Variants in FMN1 observed in about 807,000 individuals in gnomAD.
FMN1 encodes the protein formin 1, also known as formin-1.
A neutral mutation model predicts 132.4 loss-of-function variants in FMN1; 110 were observed. That is an observed-to-expected ratio of 0.83 (90% CI 0.71 to 0.97). The LOEUF (loss-of-function observed/expected upper bound fraction) is 0.97, where lower values mean the gene tolerates loss of function less well. FMN1 is among the 50% of genes least tolerant of loss of function. The pLI is 0.00. For synonymous variants in FMN1, 722 were observed against 651.7 expected, an observed-to-expected ratio of 1.11 and a Z score of -1.64; for missense variants, 1,792 against 1,705.3, an observed-to-expected ratio of 1.05 and a Z score of -0.90.
chr15:32,953,166 C>T (rs560996885), intron 9 of FMN1, among the ~76,000 whole-genome samples: 3 of 152,286 alleles, frequency 2.0e-5, no homozygotes, highest in South Asian at 4.1e-4. Context: ...CCTCCAATCC[C>T]GTTTGTACCC....
intron 19 of FMN1, among the ~76,000 whole-genome samples, chr15:32,788,220 A>AT (rs2140927316): frequency 6.6e-6 from 1 of 152,374 alleles, no homozygotes; most frequent in South Asian, 2.1e-4. Flanking sequence ...CTTAGTAGAC[A>AT]TAACACCCAG....
At chr15:32,959,091 G>C (rs996588556) in intron 9 of FMN1, among the ~76,000 whole-genome samples, 1 of 151,118 alleles carries the variant, frequency 6.6e-6, no homozygotes, top group African/African-American at 2.4e-5. Context: ...TTCAATGCTG[G>C]CTGAAGCCCT....
At chr15:32,825,032 T>C (rs1408920918) in intron 17 of FMN1, among the ~76,000 whole-genome samples, 1 of 152,190 alleles carries the variant, frequency 6.6e-6, no homozygotes, top group East Asian at 1.9e-4. Flanking sequence ...GGCTCCTCCT[T>C]TTGTACAACT....
intron 7 of FMN1, among the ~76,000 whole-genome samples, chr15:33,001,301 T>G (rs971732038): frequency 2.0e-5 from 3 of 151,806 alleles, no homozygotes; most frequent in Admixed American, 6.6e-5. Flanking sequence ...AAAAAAAAAG[T>G]GTAGCAATTT....
At position 33,074,753 on chromosome 15, in the gene FMN1, C is replaced by T. The variant is rs537052681; in HGVS notation, c.2044-9679G>A. 1.1e-4 allele frequency among the ~76,000 whole-genome samples: 17 copies of T among 152,196 alleles called. No homozygotes were observed. In the East Asian group the frequency reaches 1.9e-3, roughly 17 times the overall value. On this transcript the variant is annotated intron_variant, in intron 5 of 20. Transcript: ENST00000616417. ...GACCTCAGCCGGGTGCAGTGGCTCACGCCTGTAATCCTAGCACTTTGGGAG... is the reference window on the plus strand; with the variant it reads ...GACCTCAGCCGGGTGCAGTGGCTCATGCCTGTAATCCTAGCACTTTGGGAG...
At chr15:32,832,565 G>C (rs2058527078) in intron 17 of FMN1, among the ~76,000 whole-genome samples, 1 of 152,096 alleles carries the variant, frequency 6.6e-6, no homozygotes, top group Non-Finnish European at 1.5e-5. Context: ...AGATCATGAA[G>C]TCAGGAGATC....
intron 3 of FMN1, among the ~76,000 whole-genome samples, chr15:33,160,366 A>G (rs1322019630): frequency 6.6e-6 from 1 of 152,206 alleles, no homozygotes; most frequent in East Asian, 1.9e-4. Flanking sequence ...TTGTTTCAAC[A>G]AAAAAGGATC....
At chr15:32,808,107 C>G (rs762845945) in intron 17 of FMN1, among the ~76,000 whole-genome samples, 3 of 152,154 alleles carry the variant, frequency 2.0e-5, no homozygotes, top group Non-Finnish European at 4.4e-5. Flanking sequence ...CCCGGTGTTC[C>G]AACGTTCTAG....
At chr15:33,004,389 A>G (rs1029070147) in intron 7 of FMN1, among the ~76,000 whole-genome samples, 3 of 152,248 alleles carry the variant, frequency 2.0e-5, no homozygotes, top group African/African-American at 4.8e-5. Flanking sequence ...GGATATGAAC[A>G]GACACTTCTC....
intron 17 of FMN1, among the ~76,000 whole-genome samples, chr15:32,819,949 C>G (rs746781065): frequency 2.6e-5 from 4 of 152,118 alleles, no homozygotes; most frequent in Non-Finnish European, 1.5e-5. Context: ...AATAATCTGC[C>G]TTTGATGTAT....
chr15:32,934,258 G>T (rs2061200057), intron 9 of FMN1, among the ~76,000 whole-genome samples: 1 of 151,986 alleles, frequency 6.6e-6, no homozygotes, highest in Non-Finnish European at 1.5e-5. Context: ...CACACTTCAT[G>T]TAATTGATAT....
chr15:33,121,363 T>A (rs1962535789), intron 4 of FMN1, among the ~76,000 whole-genome samples: 1 of 152,186 alleles, frequency 6.6e-6, no homozygotes, highest in Admixed American at 6.5e-5. Flanking sequence ...AATGCCAGTG[T>A]CAATATTGTT....
intron 10 of FMN1, among the ~76,000 whole-genome samples, chr15:32,919,665 T>C (rs1596273221): frequency 6.6e-6 from 1 of 152,224 alleles, no homozygotes; most frequent in East Asian, 1.9e-4. Flanking sequence ...AACTTTTTAC[T>C]GTTGGGGTGC....
intron 5 of FMN1, chr15:33,066,462 A>G: frequency 2.9e-6 from 4 of 1,396,876 alleles, no homozygotes; most frequent in Non-Finnish European, 3.8e-6. Flanking sequence ...GGAAAGAAAT[A>G]CAGCAGCACC....
At chr15:32,814,071 C>T (rs1043175097) in intron 17 of FMN1, among the ~76,000 whole-genome samples, 15 of 152,050 alleles carry the variant, frequency 9.9e-5, no homozygotes, top group Non-Finnish European at 2.1e-4. Flanking sequence ...TAAAACAGAC[C>T]GTGGGGGTAC....
At chr15:33,152,548 A>C (rs1964478999) in intron 4 of FMN1, among the ~76,000 whole-genome samples, 1 of 147,938 alleles carries the variant, frequency 6.8e-6, no homozygotes, top group South Asian at 2.1e-4. Flanking sequence ...TGATTACTAA[A>C]AACAAACAAA....
At chr15:32,804,178 T>C (rs1008926587) in intron 18 of FMN1, 103 bp downstream of exon 18, 24 of 826,296 alleles carry the variant, frequency 2.9e-5, no homozygotes, top group Middle Eastern at 6.3e-4. Context: ...AGTAAAAATG[T>C]TTTGGAGATA....
rs932014401 is a variant in FMN1, at chr15:32,767,599, A to G, written c.*6711T>C. Reference sequence around the variant, plus strand: ...AAAAATTATCCAATTTCTAATTTTAAAAGTTTCTGCCTTTTTAGTATTTTA... The same window carrying G: ...AAAAATTATCCAATTTCTAATTTTAGAAGTTTCTGCCTTTTTAGTATTTTA... On this transcript the variant is annotated 3_prime_UTR_variant, in exon 21 of 21. Transcript: ENST00000616417. The G allele has an allele frequency of 3.9e-5, 6 of 152,246 alleles. No individual in the cohort carries two copies. Among genetic ancestry groups the G allele is most frequent in the African/African-American group, 9.6e-5 (4 of 41,462 alleles). The allele number at this position is 152,246 out of a possible 1,614,324, so 9.4% of individuals were successfully genotyped here.
chr15:33,041,897 GAT>G (rs1342062991), intron 6 of FMN1, among the ~76,000 whole-genome samples: 5 of 147,814 alleles, frequency 3.4e-5, no homozygotes, highest in Non-Finnish European at 7.5e-5. Flanking sequence ...AAATGGGAAA[GAT>G]AGTAAATTTC....
Sources: gnomAD v4.1 joint callset for allele counts (sites outside exome capture counted in the v4.1 genomes callset) on GRCh38, gnomAD v4.1.1 for gene constraint, MANE v1.5 for transcripts, NCBI Gene and HGNC (gene_info 2026-07-23, HGNC 2026-07-21) for gene names.